VPS13A: variants seen among roughly 807,000 people sequenced by gnomAD.
VPS13A encodes vacuolar protein sorting 13 homolog A.
A neutral mutation model predicts 390.9 loss-of-function variants in VPS13A; 264 were observed. The ratio of observed to expected loss-of-function variants is 0.68; its 90% confidence interval spans 0.61 to 0.75. The LOEUF is 0.75. Among genes scored for constraint, VPS13A ranks in the 30% least tolerant of loss-of-function variants. The pLI, the probability that VPS13A is intolerant of heterozygous loss-of-function variation, is 0.00. For synonymous variants in VPS13A, 1,231 were observed against 1,227.1 expected (o/e 1.00, Z -0.07); for missense variants, 3,409 against 3,733.9 (o/e 0.91, Z 2.27).
chr9:77,398,838 T>TA (rs1019818359), intron 68 of VPS13A, among the ~76,000 whole-genome samples: 2 of 151,808 alleles, frequency 1.3e-5, no homozygotes, highest in Admixed American at 6.6e-5. Flanking sequence ...TTGGCAGCCA[T>TA]AAAAAATGAT....
chr9:77,374,072 T>G (rs979234202), intron 67 of VPS13A, among the ~76,000 whole-genome samples: 1 of 152,222 alleles, frequency 6.6e-6, no homozygotes, highest in Admixed American at 6.5e-5. Flanking sequence ...ATCCTTTTTA[T>G]GAAATGAAGA....
In VPS13A at chr9:77,228,137, T is replaced by C; in HGVS notation, c.1468T>C (p.Phe490Leu). Residue 490 changes from phenylalanine (F) to leucine (L), a missense_variant, in exon 17 of 72, where the codon TTT (phenylalanine) becomes CTT (leucine). By Grantham distance (22) the Phe-to-Leu change is conservative. This residue lies in a region of VPS13A where 2,717 missense variants were observed against 2,917.4 expected (regional missense o/e 0.93). Coordinates refer to ENST00000360280, the MANE Select transcript of VPS13A (RefSeq NM_033305.3). ...TLLKTFEALK[F>L]FVHLKSMSIV... ...TATACCTTAGTTTGAAGCCTTGAAGTTTTTTGTCCACTTGAAAAGTATGTC... is the reference window on the plus strand; with the variant it reads ...TATACCTTAGTTTGAAGCCTTGAAGCTTTTTGTCCACTTGAAAAGTATGTC... 1 of 1,601,604 alleles carries C rather than the reference T, an allele frequency of 6.2e-7. No homozygotes were observed. Among genetic ancestry groups the C allele is most frequent in the Non-Finnish European group, 8.5e-7 (1 of 1,173,532 alleles).
intron 33 of VPS13A, among the ~76,000 whole-genome samples, chr9:77,298,181 T>C (rs1828124821): frequency 6.6e-6 from 1 of 152,214 alleles, no homozygotes; most frequent in African/African-American, 2.4e-5. Flanking sequence ...GTTGCATGAC[T>C]TCTACATGGA....
At chr9:77,388,689 T>C (rs1833789054) in intron 68 of VPS13A, among the ~76,000 whole-genome samples, 1 of 152,166 alleles carries the variant, frequency 6.6e-6, no homozygotes, top group Non-Finnish European at 1.5e-5. Flanking sequence ...GCACTGAAAA[T>C]ATTATAGGCA....
In VPS13A at chr9:77,314,660, C is replaced by T. The variant is rs1237790039; in HGVS notation, c.4408C>T (p.Pro1470Ser). The change falls in exon 37 of 72, where the codon CCT becomes TCT. Residue 1470 changes from proline to serine, a missense_variant. Transcript: ENST00000360280. ...AAGACCTCATGTCAAGAAAGCAACT[C>T]CTCGGTATGTATTGTAATGATGTTC... ...DKRPHVKKAT[P>S]RMIGLTVGFD... The T allele has an allele frequency of 6.2e-7, 1 of 1,611,256 alleles. No homozygotes were observed. Among genetic ancestry groups the T allele is most frequent in the Non-Finnish European group, 8.5e-7 (1 of 1,178,010 alleles).
chr9:77,252,730 G>C (rs757691616), intron 22 of VPS13A, among the ~76,000 whole-genome samples: 1 of 152,088 alleles, frequency 6.6e-6, no homozygotes, highest in Non-Finnish European at 1.5e-5. Context: ...CATATAAGTG[G>C]AATCATAGAA....
intron 61 of VPS13A, 128 bp from the exon 62 acceptor site, chr9:77,367,927 G>GAAAATCTAGTA: frequency 4.7e-6 from 4 of 842,964 alleles, no homozygotes; most frequent in Non-Finnish European, 7.6e-6. Context: ...TTCCTGATTG[G>GAAAATCTAGTA]CATGGGAAAA....
At chr9:77,337,615 C>G (rs1830606644) in intron 47 of VPS13A, 78 bp downstream of exon 47, 2 of 1,437,678 alleles carry the variant, frequency 1.4e-6, no homozygotes, top group African/African-American at 1.4e-5. Context: ...TCAATAAAAA[C>G]TATTTTAAAG....
At chr9:77,411,144 C>T (rs558230330) in intron 71 of VPS13A, among the ~76,000 whole-genome samples, 2 of 152,152 alleles carry the variant, frequency 1.3e-5, no homozygotes, top group Admixed American at 6.5e-5. Flanking sequence ...TCACTTAAAA[C>T]CACTCAACTA....
At chr9:77,221,154 G>A (rs1823186993) in intron 12 of VPS13A, 31 bp from the exon 13 acceptor site, 1 of 1,604,372 alleles carries the variant, frequency 6.2e-7, no homozygotes, top group South Asian at 1.1e-5. Flanking sequence ...GTTGATTTGA[G>A]GGTGTTAAAT....
chr9:77,324,836 C>T (rs1829923189), intron 45 of VPS13A, among the ~76,000 whole-genome samples: 1 of 152,058 alleles, frequency 6.6e-6, no homozygotes, highest in Non-Finnish European at 1.5e-5. Context: ...ACCACCACAC[C>T]TATTCTCCCA....
intron 44 of VPS13A, among the ~76,000 whole-genome samples, chr9:77,322,078 T>C (rs2131451688): frequency 6.6e-6 from 1 of 152,038 alleles, no homozygotes; most frequent in African/African-American, 2.4e-5. Flanking sequence ...TTTGTGGGGG[T>C]TCTTTTATTC....
At chr9:77,315,147 C>T in intron 37 of VPS13A, 106 bp from the exon 38 acceptor site, 1 of 1,035,682 alleles carries the variant, frequency 9.7e-7, no homozygotes, top group Non-Finnish European at 1.5e-6. Flanking sequence ...CTTCAGAATG[C>T]TTTTTTTTGT....
rs1488048209 is a variant in VPS13A at position 77,339,800 on chromosome 9, T to C, written c.6663T>C (p.Thr2221=). Residue 2221 remains threonine, a synonymous_variant, in exon 48 of 72, where the codon ACT becomes ACC. Coordinates refer to ENST00000360280, the MANE Select transcript of VPS13A (RefSeq NM_033305.3). The part of the protein sequence containing the change: ...FHSPYWMVNK[T]GRMLQYKADG... Reference sequence around the variant, plus strand: ...GTCCTTATTGGATGGTCAATAAAACTGGCCGCATGTTACAGTACAAAGCAG... The same window carrying C: ...GTCCTTATTGGATGGTCAATAAAACCGGCCGCATGTTACAGTACAAAGCAG... 6.2e-7 allele frequency: 1 copy of C among 1,614,142 alleles called. No individual in the cohort carries two copies. Among genetic ancestry groups the C allele is most frequent in the African/African-American group, 1.3e-5 (1 of 75,058 alleles).
intron 59 of VPS13A, among the ~76,000 whole-genome samples, chr9:77,364,991 T>G (rs1832356699): frequency 6.6e-6 from 1 of 152,218 alleles, no homozygotes; most frequent in African/African-American, 2.4e-5. Context: ...AAAGGAGAAG[T>G]ATTGATGAAT....
Position 77,226,482 on chromosome 9 carries a change from A to C in VPS13A, c.1241A>C (p.Tyr414Ser). Reference sequence around the variant, plus strand: ...TCATTTTAGGTAAAGAAAGCTGGATACAAAATTTACAAAGAAGGAGTAAAA... The same window carrying C: ...TCATTTTAGGTAAAGAAAGCTGGATCCAAAATTTACAAAGAAGGAGTAAAA... ...TAEVEVKKAG[Y>S]KIYKEGVKDP... Residue 414 changes from tyrosine to serine, a missense_variant, in exon 15 of 72, where the codon TAC becomes TCC. Transcript: ENST00000360280. 6.2e-7 allele frequency: 1 copy of C among 1,610,626 alleles called. No individual in the cohort carries two copies. The highest frequency in any genetic ancestry group is 8.5e-7 in the Non-Finnish European group (1 of 1,177,152).
chr9:77,319,205 A>G (rs1829593147), intron 41 of VPS13A, among the ~76,000 whole-genome samples: 1 of 151,570 alleles, frequency 6.6e-6, no homozygotes, highest in Non-Finnish European at 1.5e-5. Flanking sequence ...CAAAAAAAAA[A>G]AAAAGAAAAG....
chr9:77,257,885 C>G (rs1396724776), intron 22 of VPS13A, among the ~76,000 whole-genome samples: 1 of 151,924 alleles, frequency 6.6e-6, no homozygotes, highest in East Asian at 1.9e-4. Flanking sequence ...TATTCTATAC[C>G]CATTAACAAA....
chr9:77,205,381 A>T lies in VPS13A; in HGVS notation c.256A>T (p.Ile86Phe). ...ACCTGTTGAAGCCGTATTGGAAGAA[A>T]TTTATTTACTTATAGTGCCTTCTTC... The part of the protein sequence containing the change: ...TQPVEAVLEE[I>F]YLLIVPSSRI... Residue 86 changes from isoleucine (I) to phenylalanine (F), a missense_variant, in exon 4 of 72, where the codon ATT (isoleucine) becomes TTT (phenylalanine). Transcript: ENST00000360280. 2 of 1,475,018 alleles carry T rather than the reference A, an allele frequency of 1.4e-6. No individual in the cohort carries two copies. The highest frequency in any genetic ancestry group is 1.8e-6 in the Non-Finnish European group (2 of 1,104,002). The allele number at this position is 1,475,018 out of a possible 1,614,324, so 91.4% of individuals were successfully genotyped here.
Sources: gnomAD v4.1 joint callset for allele counts (sites outside exome capture counted in the v4.1 genomes callset) on GRCh38, gnomAD v4.1.1 for gene constraint, gnomAD v4.1.1 regional missense constraint, MANE v1.5 for transcripts, NCBI Gene and HGNC (gene_info 2026-07-23, HGNC 2026-07-21) for gene names.